Variants in RP2 observed in about 807,000 individuals in gnomAD.
The protein encoded by RP2 is RP2 activator of ARL3 GTPase.
Under a neutral mutation model 20.3 loss-of-function variants are expected in RP2, and 3 were observed. That is an observed-to-expected ratio of 0.15 (90% CI 0.07 to 0.38). RP2 has a LOEUF of 0.38. Among genes scored for constraint, RP2 ranks in the 10% least tolerant of loss-of-function variants. The pLI, the probability that RP2 is intolerant of heterozygous loss-of-function variation, is 1.00. For synonymous variants in RP2, 75 were observed against 94.8 expected (o/e 0.79, Z 1.22); for missense variants, 233 against 268.5 (o/e 0.87, Z 0.92).
intron 1 of RP2, among the ~76,000 whole-genome samples, chrX:46,844,877 G>A (rs1227993551): frequency 8.9e-6 from 1 of 111,974 alleles, no homozygotes; most frequent in East Asian, 2.8e-4. Context: ...CATTCTAACT[G>A]GTGTGAGATG....
rs782167858 is a variant in RP2 at position 46,880,395 on chromosome X, C to T, written c.*626C>T. The T allele has an allele frequency of 8.9e-6, 1 of 112,231 alleles. No homozygotes were observed. Among genetic ancestry groups the T allele is most frequent in the Admixed American group, 9.6e-5 (1 of 10,464 alleles). 9.2% of individuals were successfully genotyped at this position (112,231 alleles called of 1,213,427 possible). A position where few individuals can be genotyped will look rare whatever the true frequency, so the allele number is the denominator to read the frequency against. ...ACTCTACTAACAGATGTTGGTATAG[C>T]TATTTAAAGACTACTTCGTAAGTAG... On this transcript the variant is annotated 3_prime_UTR_variant, in exon 5 of 5. Transcript: ENST00000218340.
chrX:46,863,067 A>G (rs1463665990), intron 3 of RP2, among the ~76,000 whole-genome samples: 4 of 112,466 alleles, frequency 3.6e-5, no homozygotes, highest in Non-Finnish European at 5.6e-5. Flanking sequence ...TTAAGAGACT[A>G]AAGAGATATA....
At chrX:46,871,179 G>A (rs1278435500) in intron 3 of RP2, among the ~76,000 whole-genome samples, 4 of 106,926 alleles carry the variant, frequency 3.7e-5, no homozygotes, top group African/African-American at 1.0e-4. Flanking sequence ...CCGCCACCAC[G>A]CCCGGCTAAT....
intron 1 of RP2, among the ~76,000 whole-genome samples, chrX:46,847,816 A>G (rs781935469): frequency 1.7e-4 from 16 of 91,801 alleles, no homozygotes; most frequent in South Asian, 4.8e-4. Flanking sequence ...ATACACACAT[A>G]TATGTGTATA....
Position 46,879,766 on chromosome X carries a change from A to G in RP2, c.1050A>G (p.Ile350Met). The G allele has an allele frequency of 8.7e-7, 1 of 1,146,605 alleles. No homozygotes were observed. The highest frequency in any genetic ancestry group is 1.2e-6 in the Non-Finnish European group (1 of 839,731). The allele number at this position is 1,146,605 out of a possible 1,213,427, so 94.5% of individuals were successfully genotyped here. A position where few individuals can be genotyped will look rare whatever the true frequency, so the allele number is the denominator to read the frequency against. The change falls in exon 5 of 5, where the codon ATA becomes ATG. Residue 350 changes from isoleucine to methionine, a missense_variant. Transcript: ENST00000218340. Reference sequence around the variant, plus strand: ...ACTTTGCTGATATACAGATGGGAATATGAAGTGCAATGTGGAACCAGGACT... The same window carrying G: ...ACTTTGCTGATATACAGATGGGAATGTGAAGTGCAATGTGGAACCAGGACT... ...FYNFADIQMG[I>M] is the part of the protein sequence containing the mutation.
chrX:46,848,448 G>A lies in RP2; in HGVS notation c.103-5028G>A, dbSNP rs111921543. Among the ~76,000 whole-genome samples, 365 of 103,043 alleles carry A rather than the reference G, an allele frequency of 3.5e-3. 4 individuals carry two copies. The highest frequency in any genetic ancestry group is 0.012 in the African/African-American group (337 of 28,055). 89.5% of individuals were successfully genotyped at this position (103,043 alleles called of 115,157 possible). A position where few individuals can be genotyped will look rare whatever the true frequency, so the allele number is the denominator to read the frequency against. On this transcript the variant is annotated intron_variant, in intron 1 of 4. Coordinates refer to ENST00000218340, the MANE Select transcript of RP2 (RefSeq NM_006915.3). ...CTTCCACGCTGCAGTGCAGTGGTGC[G>A]ATCTCGGCTCACTGCAACTCTGCCT...
At chrX:46,837,456 G>A (rs1476999651) in intron 1 of RP2, among the ~76,000 whole-genome samples, 2 of 111,632 alleles carry the variant, frequency 1.8e-5, no homozygotes, top group Admixed American at 9.5e-5. Context: ...ACTCCCCCGG[G>A]AGCTTTCTCT....
At position 46,860,002 on chromosome X, in the gene RP2, C is replaced by T; in HGVS notation, c.783C>T (p.Gly261=). ...RKLIDEMVGK[G]FFLVQTKEVS... ...TATTTTCACAGATGGTTGGTAAAGGCTTTTTCCTAGTTCAGACAAAGGAAG... is the reference window on the plus strand; with the variant it reads ...TATTTTCACAGATGGTTGGTAAAGGTTTTTTCCTAGTTCAGACAAAGGAAG... The change falls in exon 3 of 5, where the codon GGC becomes GGT. Residue 261 remains glycine, a synonymous_variant. Transcript: ENST00000218340. The T allele has an allele frequency of 8.3e-7, 1 of 1,206,502 alleles. No individual in the cohort carries two copies. Among genetic ancestry groups the T allele is most frequent in the Non-Finnish European group, 1.1e-6 (1 of 891,026 alleles).
chrX:46,847,779 C>CACACATATGTGTGTGTAT (rs1569531400), intron 1 of RP2, among the ~76,000 whole-genome samples: 4 of 81,980 alleles, frequency 4.9e-5, no homozygotes, highest in African/African-American at 1.5e-4. Context: ...TGTGTGTGTA[C>CACACATATGTGTGTGTAT]ATACACACAT....
chrX:46,867,735 ATG>A, intron 3 of RP2, among the ~76,000 whole-genome samples: 1 of 109,018 alleles, frequency 9.2e-6, no homozygotes, highest in Non-Finnish European at 1.9e-5. Context: ...GCCCCCACAT[ATG>A]AGTGAGAGCA....
At chrX:46,847,811 CACAT>C (rs200516917) in intron 1 of RP2, among the ~76,000 whole-genome samples, 182 of 90,643 alleles carry the variant, frequency 2.0e-3, no homozygotes, top group Non-Finnish European at 3.4e-3. Flanking sequence ...TATATATACA[CACAT>C]ATATGTGTAT....
chrX:46,858,831 T>A (rs1159227023), intron 2 of RP2, among the ~76,000 whole-genome samples: 1 of 111,744 alleles, frequency 8.9e-6, no homozygotes, highest in Non-Finnish European at 1.9e-5. Flanking sequence ...GCCCTCATTG[T>A]GGAGAATTAT....
chrX:46,879,857 G>T lies in RP2; in HGVS notation c.*88G>T. The stretch of plus-strand genomic sequence containing the variant: ...TAATACACTTTTGTGTATTAGCAAT[G>T]GTTTTTACTAATGCTAAAACTTTTA... On this transcript the variant is annotated 3_prime_UTR_variant, in exon 5 of 5. Coordinates refer to ENST00000218340, the MANE Select transcript of RP2 (RefSeq NM_006915.3). 5.8e-6 allele frequency: 3 copies of T among 515,848 alleles called. No homozygotes were observed. The highest frequency in any genetic ancestry group is 6.4e-6 in the Non-Finnish European group (2 of 311,439). The allele number at this position is 515,848 out of a possible 1,213,427, so 42.5% of individuals were successfully genotyped here.
intron 3 of RP2, among the ~76,000 whole-genome samples, chrX:46,861,080 T>A (rs782048708): frequency 5.4e-5 from 6 of 111,908 alleles, no homozygotes; most frequent in Non-Finnish European, 9.4e-5. Flanking sequence ...CCTGGCCCCT[T>A]TGATGCAACC....
chrX:46,881,875 G>A lies in RP2; in HGVS notation c.*2106G>A, dbSNP rs782789092. 9.2e-4 allele frequency: 103 copies of A among 112,048 alleles called. No homozygotes were observed. The highest frequency in any genetic ancestry group is 3.3e-3 in the African/African-American group (101 of 30,914). 9.2% of individuals were successfully genotyped at this position (112,048 alleles called of 1,213,427 possible). On this transcript the variant is annotated 3_prime_UTR_variant, in exon 5 of 5. Transcript: ENST00000218340. ...AATGTTATATAAAGCTATAAACTAA[G>A]TTCTTTATGATATTTGAGCAACAAC...
chrX:46,874,146 T>A (rs1556327316), intron 3 of RP2, among the ~76,000 whole-genome samples: 2 of 112,113 alleles, frequency 1.8e-5, no homozygotes, highest in Non-Finnish European at 3.8e-5. Flanking sequence ...ATTTGTCCAC[T>A]TTTTTGTTGG....
In RP2 at chrX:46,854,124, A is replaced by G. The variant is rs190443020; in HGVS notation, c.751A>G (p.Arg251Gly). The change falls in exon 2 of 5, where the codon AGA becomes GGA. Residue 251 changes from arginine to glycine, a missense_variant. Around this residue, in one of 3 missense-constraint regions of RP2, gnomAD observed 118 missense variants for 123.8 expected, o/e 0.95. Transcript: ENST00000218340. ...TGGTGATTACACTATTGCAAATGCC[A>G]GAAAACTAATTGATGAGGTAAGGAG... ...FAGDYTIANA[R>G]KLIDEMVGKG... 6.7e-5 allele frequency: 81 copies of G among 1,208,511 alleles called. No individual in the cohort carries two copies. In the East Asian group the frequency reaches 2.2e-3, roughly 34 times the overall value.
chrX:46,872,428 TTTTTC>T (rs1214778329), intron 3 of RP2, among the ~76,000 whole-genome samples: 1 of 112,191 alleles, frequency 8.9e-6, no homozygotes, highest in Non-Finnish European at 1.9e-5. Context: ...TTATTACCTC[TTTTTC>T]TTTTTAGCAG....
intron 1 of RP2, among the ~76,000 whole-genome samples, chrX:46,837,892 A>C (rs1556313927): frequency 1.8e-5 from 2 of 112,308 alleles, no homozygotes; most frequent in African/African-American, 6.5e-5. Context: ...TGCTGGTTTA[A>C]ATGAATGAAA....
Sources: gnomAD v4.1 joint callset for allele counts (sites outside exome capture counted in the v4.1 genomes callset) on GRCh38, gnomAD v4.1.1 for gene constraint, gnomAD v4.1.1 regional missense constraint, MANE v1.5 for transcripts, NCBI Gene and HGNC (gene_info 2026-07-23, HGNC 2026-07-21) for gene names.